The following LRMDA variants were observed in gnomAD, a reference collection of about 807,000 sequenced individuals.
LRMDA encodes leucine rich melanocyte differentiation associated.
LRMDA carries 18 observed loss-of-function variants against 29.8 expected under a neutral mutation model. That is an observed-to-expected ratio of 0.60 (90% CI 0.42 to 0.90). The LOEUF (loss-of-function observed/expected upper bound fraction) is 0.90. Among genes scored for constraint, LRMDA ranks in the 40% least tolerant of loss-of-function variants. The pLI is 0.00. For missense variants in LRMDA, 273 were observed against 273.9 expected, an observed-to-expected ratio of 1.00 and a Z score of 0.02; for synonymous variants, 125 against 109.4, an observed-to-expected ratio of 1.14 and a Z score of -0.89.
At chr10:76,379,874 G>T (rs113712460) in intron 6 of LRMDA, among the ~76,000 whole-genome samples, 7 of 152,096 alleles carry the variant, frequency 4.6e-5, no homozygotes, top group African/African-American at 1.7e-4. Flanking sequence ...TTAGCACCAC[G>T]TTTGCTGTAT....
intron 2 of LRMDA, among the ~76,000 whole-genome samples, chr10:75,549,098 A>C (rs903905805): frequency 6.6e-6 from 1 of 151,962 alleles, no homozygotes; most frequent in African/African-American, 2.4e-5. Context: ...TCTTTCACTC[A>C]AAAGCATAAT....
intron 2 of LRMDA, among the ~76,000 whole-genome samples, chr10:76,035,420 A>C (rs1271466939): frequency 1.3e-5 from 2 of 152,140 alleles, no homozygotes; most frequent in Non-Finnish European, 2.9e-5. Context: ...AAATTAAGTG[A>C]TTAGTAAAGA....
intron 5 of LRMDA, among the ~76,000 whole-genome samples, chr10:76,265,928 A>G (rs554433850): frequency 1.3e-3 from 205 of 152,350 alleles, no homozygotes; most frequent in African/African-American, 4.8e-3. Context: ...ACTAACTGGC[A>G]AAGTAAATTA....
At chr10:76,149,534 G>C (rs547133626) in intron 5 of LRMDA, among the ~76,000 whole-genome samples, 1 of 152,278 alleles carries the variant, frequency 6.6e-6, no homozygotes, top group South Asian at 2.1e-4. Flanking sequence ...TTTCTTTAAA[G>C]CATTTGGCCT....
chr10:76,128,654 C>T (rs1849930855), intron 5 of LRMDA, among the ~76,000 whole-genome samples: 1 of 152,140 alleles, frequency 6.6e-6, no homozygotes, highest in South Asian at 2.1e-4. Flanking sequence ...TGAGATCCAT[C>T]CCTGAACTCC....
chr10:75,968,764 A>G (rs1205699954), intron 2 of LRMDA, among the ~76,000 whole-genome samples: 1 of 152,204 alleles, frequency 6.6e-6, no homozygotes, highest in Non-Finnish European at 1.5e-5. Flanking sequence ...ACCCTTAGGT[A>G]TCTTTTGGAG....
At chr10:76,189,929 A>T (rs1851215836) in intron 5 of LRMDA, among the ~76,000 whole-genome samples, 1 of 152,196 alleles carries the variant, frequency 6.6e-6, no homozygotes, top group African/African-American at 2.4e-5. Context: ...ATGATTCTAG[A>T]GGGTGAAGTG....
intron 2 of LRMDA, among the ~76,000 whole-genome samples, chr10:75,846,177 T>TTGTGTGTGTGTGTGTGTGTGTG (rs59549881): frequency 7.0e-6 from 1 of 142,974 alleles, no homozygotes; most frequent in Non-Finnish European, 1.5e-5. Flanking sequence ...GTGTGTGTGT[T>TTGTGTGTGTGTGTGTGTGTGTG]TGTGTGTGTG....
chr10:76,055,089 A>AAAAAAAAAAAAAAAAAAAAAAG (rs1564640519), intron 4 of LRMDA, among the ~76,000 whole-genome samples: 1 of 125,452 alleles, frequency 8.0e-6, no homozygotes, highest in Non-Finnish European at 1.7e-5. Context: ...AAAAAAAAAA[A>AAAAAAAAAAAAAAAAAAAAAAG]AAAAAGAAAA....
At chr10:76,551,428 A>C (rs1247417285) in intron 6 of LRMDA, among the ~76,000 whole-genome samples, 1 of 152,168 alleles carries the variant, frequency 6.6e-6, no homozygotes, top group Non-Finnish European at 1.5e-5. Flanking sequence ...AATGGTATTA[A>C]TTTATTTAAC....
At chr10:75,533,793 C>A (rs1182512181) in intron 2 of LRMDA, among the ~76,000 whole-genome samples, 4 of 152,064 alleles carry the variant, frequency 2.6e-5, no homozygotes, top group Admixed American at 1.3e-4. Context: ...GAGAGAGAGT[C>A]AACGATATTC....
chr10:75,520,933 A>G (rs1464580692), intron 2 of LRMDA, among the ~76,000 whole-genome samples: 1 of 152,192 alleles, frequency 6.6e-6, no homozygotes, highest in Non-Finnish European at 1.5e-5. Flanking sequence ...TCCTTCTAAC[A>G]GTCAGGTTCC....
intron 5 of LRMDA, among the ~76,000 whole-genome samples, chr10:76,070,846 C>T (rs185458082): frequency 6.4e-4 from 97 of 152,212 alleles, no homozygotes; most frequent in African/African-American, 2.1e-3. Context: ...AGCCACCGCA[C>T]GAGACCCTTT....
chr10:75,756,113 G>A (rs1292226599), intron 2 of LRMDA, among the ~76,000 whole-genome samples: 1 of 152,150 alleles, frequency 6.6e-6, no homozygotes, highest in East Asian at 1.9e-4. Flanking sequence ...TTTTTGTGCT[G>A]GGGCAGAGAC....
chr10:75,986,586 G>A (rs1847265983), intron 2 of LRMDA, among the ~76,000 whole-genome samples: 1 of 152,204 alleles, frequency 6.6e-6, no homozygotes, highest in African/African-American at 2.4e-5. Flanking sequence ...CACTAGTATA[G>A]TATTGAACAT....
At chr10:76,081,771 G>A (rs1191586582) in intron 5 of LRMDA, among the ~76,000 whole-genome samples, 1 of 152,228 alleles carries the variant, frequency 6.6e-6, no homozygotes, top group East Asian at 1.9e-4. Context: ...TAAAATGTGT[G>A]TATGTACACA....
At chr10:76,456,995 G>A (rs1045140984) in intron 6 of LRMDA, among the ~76,000 whole-genome samples, 7 of 152,212 alleles carry the variant, frequency 4.6e-5, no homozygotes, top group South Asian at 2.1e-4. Context: ...GGTCTTAGCC[G>A]TAACTCCGAC....
At chr10:76,117,667 A>G (rs1476927204) in intron 5 of LRMDA, among the ~76,000 whole-genome samples, 1 of 152,234 alleles carries the variant, frequency 6.6e-6, no homozygotes, top group Non-Finnish European at 1.5e-5. Flanking sequence ...AAATACAACC[A>G]AGATGAGACT....
chr10:75,677,386 AT>A (rs66812783), intron 2 of LRMDA, among the ~76,000 whole-genome samples: 86,708 of 151,920 alleles, frequency 0.57, 29,579 homozygotes, highest in Non-Finnish European at 0.75. Flanking sequence ...AGCTGCAGAT[AT>A]CCCAGTCAAA....
Sources: allele counts gnomAD v4.1 joint callset (sites outside exome capture counted in the v4.1 genomes callset), GRCh38; gene constraint gnomAD v4.1.1; transcripts MANE v1.5; gene names NCBI Gene and HGNC (gene_info 2026-07-23, HGNC 2026-07-21).